NALF1: variants seen among roughly 807,000 people sequenced by gnomAD.
The protein encoded by NALF1 is NALCN channel auxiliary factor 1.
A neutral mutation model predicts 48.4 loss-of-function variants in NALF1; 3 were observed. That is an observed-to-expected ratio of 0.06 (90% CI 0.03 to 0.16). NALF1 has a LOEUF of 0.16. Ranked by LOEUF, NALF1 falls within the 10% of genes least tolerant of loss-of-function variation. NALF1 has a pLI of 1.00. For synonymous variants in NALF1, 262 were observed against 245.7 expected (o/e 1.07, Z -0.62); for missense variants, 526 against 571.5 (o/e 0.92, Z 0.81).
chr13:107,472,879 A>G (rs1885122897), intron 1 of NALF1, among the ~76,000 whole-genome samples: 1 of 152,124 alleles, frequency 6.6e-6, no homozygotes, highest in Non-Finnish European at 1.5e-5. Flanking sequence ...TCATAGATAC[A>G]TCTATCCTAT....
intron 1 of NALF1, among the ~76,000 whole-genome samples, chr13:107,271,248 T>C (rs1217630397): frequency 6.6e-6 from 1 of 152,130 alleles, no homozygotes; most frequent in African/African-American, 2.4e-5. Flanking sequence ...AGACATTATC[T>C]GGGTGGGCCT....
intron 1 of NALF1, among the ~76,000 whole-genome samples, chr13:107,846,836 A>G (rs1461888885): frequency 6.6e-6 from 1 of 152,176 alleles, no homozygotes; most frequent in Non-Finnish European, 1.5e-5. Context: ...CAGACAAATG[A>G]GATTTAGACA....
chr13:107,600,731 A>G (rs1878900257), intron 1 of NALF1, among the ~76,000 whole-genome samples: 1 of 152,230 alleles, frequency 6.6e-6, no homozygotes, highest in Non-Finnish European at 1.5e-5. Context: ...AAGAGATAAA[A>G]ACAATAAAAG....
chr13:107,192,888 C>G, intron 2 of NALF1, among the ~76,000 whole-genome samples: 1 of 152,056 alleles, frequency 6.6e-6, no homozygotes, highest in East Asian at 1.9e-4. Flanking sequence ...CTTTCCACTC[C>G]AATTCAAGTT....
intron 1 of NALF1, among the ~76,000 whole-genome samples, chr13:107,216,169 G>A (rs1244996459): frequency 6.6e-6 from 1 of 152,150 alleles, no homozygotes; most frequent in South Asian, 2.1e-4. Flanking sequence ...CCCCGCTAGC[G>A]GCCTGAGTTT....
chr13:107,477,344 T>C (rs1401396184), intron 1 of NALF1, among the ~76,000 whole-genome samples: 1 of 152,164 alleles, frequency 6.6e-6, no homozygotes, highest in Non-Finnish European at 1.5e-5. Context: ...TGCTCTTTTA[T>C]AGAACAAATG....
intron 1 of NALF1, among the ~76,000 whole-genome samples, chr13:107,222,519 T>A (rs983787658): frequency 1.3e-5 from 2 of 152,248 alleles, no homozygotes; most frequent in Non-Finnish European, 2.9e-5. Flanking sequence ...TATTATTTTC[T>A]TGTCATACTT....
intron 1 of NALF1, among the ~76,000 whole-genome samples, chr13:107,841,475 G>A (rs1259314385): frequency 2.0e-5 from 3 of 151,360 alleles, no homozygotes; most frequent in Non-Finnish European, 4.4e-5. Context: ...TGTTTGAGGG[G>A]AAAAAAGGGG....
rs144529162 is a variant in NALF1 at position 107,554,130 on chromosome 13, G to A, written c.915+311552C>T. ...CATGACAGCAAGCTCCTGACACTACGTAGGGTTCCTGATGTATGGCAGACG... is the reference window on the plus strand; with the variant it reads ...CATGACAGCAAGCTCCTGACACTACATAGGGTTCCTGATGTATGGCAGACG... On this transcript the variant is annotated intron_variant, in intron 1 of 2. Transcript: ENST00000375915. Among the ~76,000 whole-genome samples the A allele has an allele frequency of 4.6e-3, 698 of 152,274 alleles. 4 individuals are homozygous for A. The highest frequency in any genetic ancestry group is 0.013 in the Admixed American group (196 of 15,304).
intron 2 of NALF1, among the ~76,000 whole-genome samples, chr13:107,173,923 TCCC>T (rs1434218291): frequency 6.6e-6 from 1 of 152,214 alleles, no homozygotes; most frequent in Non-Finnish European, 1.5e-5. Flanking sequence ...TATTACTTCA[TCCC>T]TTAACTCTGC....
chr13:107,337,043 C>CA (rs60969406), intron 1 of NALF1, among the ~76,000 whole-genome samples: 8 of 114,818 alleles, frequency 7.0e-5, no homozygotes, highest in Admixed American at 2.6e-4. Context: ...TTTCATTCCC[C>CA]AAAAAAAAAA....
intron 1 of NALF1, among the ~76,000 whole-genome samples, chr13:107,672,704 G>A (rs531222134): frequency 6.6e-6 from 1 of 152,098 alleles, no homozygotes; most frequent in African/African-American, 2.4e-5. Context: ...ACCAGTATTA[G>A]CAAACAGCAA....
chr13:107,505,835 T>C (rs544833070), intron 1 of NALF1, among the ~76,000 whole-genome samples: 19 of 152,306 alleles, frequency 1.2e-4, no homozygotes, highest in African/African-American at 4.1e-4. Context: ...AGAATTATTT[T>C]AGTCTTATTA....
At chr13:107,481,858 C>A (rs7336336) in intron 1 of NALF1, among the ~76,000 whole-genome samples, 3 of 151,872 alleles carry the variant, frequency 2.0e-5, no homozygotes, top group African/African-American at 7.3e-5. Flanking sequence ...TGTTTTTACC[C>A]GATCAAGGCA....
At chr13:107,751,445 A>C (rs973860047) in intron 1 of NALF1, among the ~76,000 whole-genome samples, 1 of 152,254 alleles carries the variant, frequency 6.6e-6, no homozygotes, top group Non-Finnish European at 1.5e-5. Context: ...CCAAACACAA[A>C]TAACTAACTG....
At chr13:107,472,453 G>A (rs1014439083) in intron 1 of NALF1, among the ~76,000 whole-genome samples, 1 of 152,144 alleles carries the variant, frequency 6.6e-6, no homozygotes, top group African/African-American at 2.4e-5. Flanking sequence ...TGTGTGTGTT[G>A]CCAAAGGAGA....
intron 1 of NALF1, among the ~76,000 whole-genome samples, chr13:107,254,062 A>T (rs931309630): frequency 7.2e-6 from 1 of 138,680 alleles, no homozygotes; most frequent in Non-Finnish European, 1.6e-5. Context: ...CAAGTACTAA[A>T]ATATATATAT....
At chr13:107,518,192 G>A (rs1271078753) in intron 1 of NALF1, among the ~76,000 whole-genome samples, 1 of 152,142 alleles carries the variant, frequency 6.6e-6, no homozygotes, top group Non-Finnish European at 1.5e-5. Context: ...CTGATTTCAA[G>A]TTAAGGAATT....
At chr13:107,453,782 A>G (rs919100471) in intron 1 of NALF1, among the ~76,000 whole-genome samples, 4 of 152,232 alleles carry the variant, frequency 2.6e-5, no homozygotes, top group Non-Finnish European at 2.9e-5. Context: ...CCTGTTAAAC[A>G]TAAGTTCCAA....
Sources: allele counts gnomAD v4.1 joint callset (sites outside exome capture counted in the v4.1 genomes callset), GRCh38; gene constraint gnomAD v4.1.1; transcripts MANE v1.5; gene names NCBI Gene and HGNC (gene_info 2026-07-23, HGNC 2026-07-21).